The following MGAT4C variants were observed in gnomAD, a reference collection of about 807,000 sequenced individuals.
MGAT4C encodes MGAT4 family member C.
MGAT4C carries 19 observed loss-of-function variants against 40.1 expected under a neutral mutation model. That is an observed-to-expected ratio of 0.47 (90% CI 0.33 to 0.70). MGAT4C has a LOEUF of 0.70. MGAT4C is among the 30% of genes least tolerant of loss of function. The probability of loss-of-function intolerance (pLI) is 0.02; values close to 1 mark genes in which losing one functional copy is unlikely to be tolerated. For missense variants in MGAT4C, 491 were observed against 563.2 expected (o/e 0.87, Z 1.30); for synonymous variants, 181 against 187.1 (o/e 0.97, Z 0.27).
rs1245937150 is a variant in MGAT4C, at chr12:85,975,197, C to G, written c.*4092G>C. ...ATTTTAGGAAAGTGTCTGTATAATT[C>G]CACATGATATTCTCTGGACAAAATA... On this transcript the variant is annotated 3_prime_UTR_variant, in exon 5 of 5. Coordinates refer to ENST00000611864, the MANE Select transcript of MGAT4C (RefSeq NM_001351288.2). 6.6e-6 allele frequency: 1 copy of G among 150,830 alleles called. No individual in the cohort carries two copies. Among genetic ancestry groups the G allele is most frequent in the Non-Finnish European group, 1.5e-5 (1 of 67,142 alleles). 9.3% of individuals were successfully genotyped at this position (150,830 alleles called of 1,614,324 possible).
intron 1 of MGAT4C, among the ~76,000 whole-genome samples, chr12:86,132,552 G>A (rs1202733623): frequency 6.6e-6 from 1 of 152,102 alleles, no homozygotes; most frequent in Non-Finnish European, 1.5e-5. Context: ...CCAGCACTTT[G>A]GGATGCCAAG....
At chr12:86,256,783 T>C (rs1952532648), upstream of MGAT4C, among the ~76,000 whole-genome samples, 1 of 152,186 alleles carries the variant, frequency 6.6e-6, no homozygotes, top group Admixed American at 6.6e-5. Flanking sequence ...ATTTTGTAAT[T>C]ACTTTGCATT....
At chr12:86,408,157 T>C (rs1181622159) in intron 3 of MGAT4C, among the ~76,000 whole-genome samples, 1 of 151,844 alleles carries the variant, frequency 6.6e-6, no homozygotes, top group East Asian at 1.9e-4. Context: ...AAAAATAGTG[T>C]CTTCATAAAA....
chr12:86,369,174 C>A (rs999014718), intron 3 of MGAT4C, among the ~76,000 whole-genome samples: 10 of 151,660 alleles, frequency 6.6e-5, no homozygotes, highest in Non-Finnish European at 1.3e-4. Flanking sequence ...TTTAGCCATG[C>A]CTTCTCTCAT....
chr12:86,602,946 A>G (rs1961839612), intron 2 of MGAT4C, among the ~76,000 whole-genome samples: 1 of 151,536 alleles, frequency 6.6e-6, no homozygotes, highest in Admixed American at 6.6e-5. Flanking sequence ...AAAGAAGGAA[A>G]TTGTGTCATT....
chr12:86,319,678 G>T lies in MGAT4C; in HGVS notation c.-57+14387C>A, dbSNP rs144887023. Among the ~76,000 whole-genome samples, 287 of 152,120 alleles carry T rather than the reference G, an allele frequency of 1.9e-3. 7 individuals carry two copies. The East Asian group carries it at 0.043, about 23-fold the overall frequency. On this transcript the variant is annotated intron_variant, in intron 4 of 7. Transcript: ENST00000548651. The stretch of plus-strand genomic sequence containing the variant: ...CTGAATTCCTAACACTTAAAATGTT[G>T]GTTATATTTTTTTAAGTAAGTGAAT...
At chr12:86,102,273 T>A (rs1261216161) in intron 1 of MGAT4C, among the ~76,000 whole-genome samples, 1 of 151,958 alleles carries the variant, frequency 6.6e-6, no homozygotes, top group Non-Finnish European at 1.5e-5. Context: ...AAGCTGAAGA[T>A]AAATTAAAGA....
At chr12:86,562,678 G>A (rs575359830) in intron 2 of MGAT4C, among the ~76,000 whole-genome samples, 1 of 152,122 alleles carries the variant, frequency 6.6e-6, no homozygotes, top group African/African-American at 2.4e-5. Context: ...GGCCCCTAGA[G>A]GTGAGGTTCA....
At chr12:86,555,044 G>T (rs1402321390) in intron 2 of MGAT4C, among the ~76,000 whole-genome samples, 2 of 151,660 alleles carry the variant, frequency 1.3e-5, no homozygotes, top group African/African-American at 4.8e-5. Context: ...CCTGTACTTA[G>T]ATAGCCATAT....
At chr12:86,608,423 T>A (rs1227060916) in intron 2 of MGAT4C, among the ~76,000 whole-genome samples, 1 of 151,754 alleles carries the variant, frequency 6.6e-6, no homozygotes, top group African/African-American at 2.4e-5. Flanking sequence ...TACAAAAAAA[T>A]TTAAAAAAAT....
intron 4 of MGAT4C, among the ~76,000 whole-genome samples, chr12:86,333,163 C>G (rs1954710387): frequency 6.6e-6 from 1 of 152,138 alleles, no homozygotes; most frequent in African/African-American, 2.4e-5. Flanking sequence ...CACTTATCTG[C>G]AGCCAGGCAA....
intron 1 of MGAT4C, among the ~76,000 whole-genome samples, chr12:86,228,540 G>A (rs1420628536): frequency 1.3e-5 from 2 of 151,784 alleles, no homozygotes; most frequent in Admixed American, 1.3e-4. Flanking sequence ...AACCTCTTTT[G>A]GGGAGAAGCA....
intron 2 of MGAT4C, among the ~76,000 whole-genome samples, chr12:85,999,296 C>T (rs1007021141): frequency 6.6e-6 from 1 of 152,034 alleles, no homozygotes; most frequent in African/African-American, 2.4e-5. Context: ...CAAACCATAT[C>T]AAGCAGAATA....
At chr12:86,497,707 T>C (rs755969285) in intron 2 of MGAT4C, among the ~76,000 whole-genome samples, 24 of 151,472 alleles carry the variant, frequency 1.6e-4, no homozygotes, top group Non-Finnish European at 2.7e-4. Flanking sequence ...AAAGTACATG[T>C]TCCTTTAACA....
At chr12:86,617,696 A>C (rs1201400023) in intron 2 of MGAT4C, among the ~76,000 whole-genome samples, 5 of 148,540 alleles carry the variant, frequency 3.4e-5, no homozygotes, top group African/African-American at 1.3e-4. Flanking sequence ...TCACAAAAAA[A>C]TAATTGAAAA....
intron 2 of MGAT4C, among the ~76,000 whole-genome samples, chr12:86,633,418 T>C (rs892208751): frequency 6.6e-6 from 1 of 152,100 alleles, no homozygotes; most frequent in African/African-American, 2.4e-5. Flanking sequence ...TGCTTAAATA[T>C]TATTTCCCCA....
chr12:86,005,607 T>C (rs926098421), intron 2 of MGAT4C, among the ~76,000 whole-genome samples: 2 of 152,166 alleles, frequency 1.3e-5, no homozygotes, highest in African/African-American at 4.8e-5. Context: ...AGATGGGCTA[T>C]CTTGGGAACC....
intron 4 of MGAT4C, among the ~76,000 whole-genome samples, chr12:86,263,945 C>T (rs1319959761): frequency 6.6e-6 from 1 of 151,938 alleles, no homozygotes; most frequent in Non-Finnish European, 1.5e-5. Flanking sequence ...TTTTCATATA[C>T]CTATTGGTCA....
At chr12:86,220,127 T>C (rs1204845752) in intron 1 of MGAT4C, among the ~76,000 whole-genome samples, 1 of 152,068 alleles carries the variant, frequency 6.6e-6, no homozygotes, top group African/African-American at 2.4e-5. Flanking sequence ...GAAGAGAACC[T>C]TAACTCCAGA....
Sources: gnomAD v4.1 joint callset for allele counts (sites outside exome capture counted in the v4.1 genomes callset) on GRCh38, gnomAD v4.1.1 for gene constraint, MANE v1.5 for transcripts, NCBI Gene and HGNC (gene_info 2026-07-23, HGNC 2026-07-21) for gene names.